Variants in CFAP54 observed in about 807,000 individuals in gnomAD.
CFAP54 encodes the protein cilia and flagella associated protein 54.
A neutral mutation model predicts 370.4 loss-of-function variants in CFAP54; 290 were observed. That is an observed-to-expected ratio of 0.78 (90% confidence interval 0.71 to 0.86). The LOEUF is 0.86. Ranked by LOEUF, CFAP54 falls within the 40% of genes least tolerant of loss-of-function variation. The probability of loss-of-function intolerance (pLI) is 0.00; values close to 1 mark genes in which losing one functional copy is unlikely to be tolerated. For synonymous variants in CFAP54, 1,206 were observed against 1,236.5 expected (o/e 0.98, Z 0.52); for missense variants, 3,399 against 3,528.7 (o/e 0.96, Z 0.93).
At position 96,744,060 on chromosome 12, in the gene CFAP54, A is replaced by G. The variant is rs767409809; in HGVS notation, c.7598A>G (p.Asn2533Ser). Reference protein sequence around the residue: ...FGETIEFRSSNTKYANPLQPL... With the variant: ...FGETIEFRSSSTKYANPLQPL... Reference sequence around the variant, plus strand: ...GAAACAATTGAATTTCGTTCATCAAACACTAAATATGCAAATCCATTACAG... The same window carrying G: ...GAAACAATTGAATTTCGTTCATCAAGCACTAAATATGCAAATCCATTACAG... Residue 2533 changes from asparagine to serine, a missense_variant, in exon 55 of 68, where the codon AAC (asparagine) becomes AGC (serine). Physicochemically the swap from Asn to Ser is conservative, Grantham distance 46. This residue lies in a region of CFAP54 where 2,796 missense variants were observed against 2,869.7 expected (regional missense o/e 0.97). Transcript: ENST00000524981. The G allele has an allele frequency of 6.2e-7, 1 of 1,611,180 alleles. No individual in the cohort carries two copies. Among genetic ancestry groups the G allele is most frequent in the South Asian group, 1.1e-5 (1 of 90,304 alleles).
chr12:96,613,926 C>A (rs1349307254), intron 26 of CFAP54, among the ~76,000 whole-genome samples: 2 of 150,342 alleles, frequency 1.3e-5, no homozygotes, highest in African/African-American at 4.8e-5. Flanking sequence ...CCGAATTCTA[C>A]CAGAGGTACA....
intron 49 of CFAP54, among the ~76,000 whole-genome samples, chr12:96,719,952 A>G (rs1484596021): frequency 6.6e-6 from 1 of 152,202 alleles, no homozygotes; most frequent in Non-Finnish European, 1.5e-5. Context: ...TAGCAAATTA[A>G]CAGTATATAT....
chr12:96,861,394 C>T (rs922386555), intron 67 of CFAP54, among the ~76,000 whole-genome samples: 1 of 152,110 alleles, frequency 6.6e-6, no homozygotes, highest in Non-Finnish European at 1.5e-5. Flanking sequence ...CAAGACGGCT[C>T]CCACAACAAA....
chr12:96,602,419 G>A (rs893425042), intron 26 of CFAP54, among the ~76,000 whole-genome samples: 4 of 152,276 alleles, frequency 2.6e-5, no homozygotes, highest in African/African-American at 9.6e-5. Flanking sequence ...GTGCCAAGAA[G>A]AATGTATATT....
At chr12:96,700,968 A>G (rs1222694468) in intron 46 of CFAP54, among the ~76,000 whole-genome samples, 8 of 152,188 alleles carry the variant, frequency 5.3e-5, no homozygotes, top group Admixed American at 3.9e-4. Flanking sequence ...AGCTGACATT[A>G]TATTTGCATA....
intron 66 of CFAP54, among the ~76,000 whole-genome samples, chr12:96,846,869 G>A (rs1357279289): frequency 6.6e-6 from 1 of 152,078 alleles, no homozygotes; most frequent in Admixed American, 6.5e-5. Flanking sequence ...AGCTTTTCCT[G>A]ACACCAAGCA....
At chr12:96,585,600 G>T (rs1354770183) in intron 22 of CFAP54, among the ~76,000 whole-genome samples, 4 of 152,212 alleles carry the variant, frequency 2.6e-5, no homozygotes, top group Non-Finnish European at 5.9e-5. Flanking sequence ...GGGATTACAG[G>T]CATGAGCCAC....
At chr12:96,638,985 GT>G (rs1196468438) in intron 32 of CFAP54, among the ~76,000 whole-genome samples, 3 of 152,170 alleles carry the variant, frequency 2.0e-5, no homozygotes, top group African/African-American at 4.8e-5. Context: ...TTTTGAATGT[GT>G]TTGCTCTTGC....
rs78808437 is a variant in CFAP54 at position 96,624,718 on chromosome 12, G to T, written c.3886+837G>T. On this transcript the variant is annotated intron_variant, in intron 28 of 67. Transcript: ENST00000524981. ...GGCCTTTGGGGATGAGGCTACACTT[G>T]TAGAATTCCATGTCCCTACCTCACC... Among the ~76,000 whole-genome samples, 720 of 152,298 alleles carry T rather than the reference G, an allele frequency of 4.7e-3. 4 individuals carry two copies. The highest frequency in any genetic ancestry group is 0.016 in the African/African-American group (683 of 41,558).
intron 32 of CFAP54, among the ~76,000 whole-genome samples, chr12:96,637,865 C>T (rs548336075): frequency 6.6e-6 from 1 of 152,096 alleles, no homozygotes; most frequent in African/African-American, 2.4e-5. Context: ...ATCACCATAC[C>T]TTTTCCATGT....
intron 51 of CFAP54, among the ~76,000 whole-genome samples, chr12:96,742,073 A>G (rs1772488267): frequency 6.6e-6 from 1 of 152,212 alleles, no homozygotes; most frequent in South Asian, 2.1e-4. Flanking sequence ...ATTAGTGAAT[A>G]TTATTTATTT....
rs118106778 is a variant in CFAP54, at chr12:96,818,648, G to A, written c.9096+735G>A. Reference sequence around the variant, plus strand: ...TCTGGCACACCTGTGTAACCACAGGGTTTCCCCATTTCCCTTCTGCCCCAC... The same window carrying A: ...TCTGGCACACCTGTGTAACCACAGGATTTCCCCATTTCCCTTCTGCCCCAC... On this transcript the variant is annotated intron_variant, in intron 65 of 67. Transcript: ENST00000524981. Among the ~76,000 whole-genome samples the A allele has an allele frequency of 2.3e-4, 35 of 152,316 alleles. No homozygotes were observed. The East Asian group carries it at 4.2e-3, about 18-fold the overall frequency.
chr12:96,698,860 T>C (rs988348382), intron 45 of CFAP54, among the ~76,000 whole-genome samples: 2 of 152,110 alleles, frequency 1.3e-5, no homozygotes, highest in African/African-American at 2.4e-5. Context: ...CAGAGGTTTA[T>C]TGAAAATGAA....
At chr12:96,777,789 A>G (rs976489734) in intron 60 of CFAP54, among the ~76,000 whole-genome samples, 2 of 151,896 alleles carry the variant, frequency 1.3e-5, no homozygotes, top group East Asian at 3.8e-4. Context: ...GGCACTGGCC[A>G]TTAAACTTAC....
chr12:96,796,149 T>TGCA (rs1232930357), intron 63 of CFAP54, among the ~76,000 whole-genome samples: 1 of 152,210 alleles, frequency 6.6e-6, no homozygotes, highest in Non-Finnish European at 1.5e-5. Context: ...TTATGGGGCC[T>TGCA]GCAGCAGCAA....
chr12:96,761,845 T>C (rs1958342952), intron 58 of CFAP54, among the ~76,000 whole-genome samples: 1 of 152,218 alleles, frequency 6.6e-6, no homozygotes, highest in Non-Finnish European at 1.5e-5. Flanking sequence ...CATTGACCTC[T>C]AAATCTACCT....
At chr12:96,810,144 C>T (rs1958917021) in intron 63 of CFAP54, among the ~76,000 whole-genome samples, 1 of 151,696 alleles carries the variant, frequency 6.6e-6, no homozygotes. Flanking sequence ...CCACCTACTC[C>T]TGCCTTTAAA....
intron 50 of CFAP54, among the ~76,000 whole-genome samples, chr12:96,738,608 CTTTTTTTTTT>C (rs71068829): frequency 6.4e-4 from 83 of 129,120 alleles, no homozygotes; most frequent in Non-Finnish European, 6.2e-4. Flanking sequence ...TCTAAATCTC[CTTTTTTTTTT>C]TTTTTTTTTT....
chr12:96,538,236 C>T (rs1464016121), intron 12 of CFAP54, 148 bp from the exon 13 acceptor site: 1 of 608,528 alleles, frequency 1.6e-6, no homozygotes, highest in Non-Finnish European at 2.6e-6. Flanking sequence ...TGGGGAGGAT[C>T]ATACTAGGAC....
Sources: allele counts gnomAD v4.1 joint callset (sites outside exome capture counted in the v4.1 genomes callset), GRCh38; gene constraint gnomAD v4.1.1; regional missense constraint gnomAD v4.1.1; transcripts MANE v1.5; gene names NCBI Gene and HGNC (gene_info 2026-07-23, HGNC 2026-07-21).